Variants in RBFOX3 observed in about 807,000 individuals in gnomAD.
RBFOX3 encodes RNA binding fox-1 homolog 3.
Under a neutral mutation model 48.7 loss-of-function variants are expected in RBFOX3, and 17 were observed. That is an observed-to-expected ratio of 0.35 (90% confidence interval 0.24 to 0.52). RBFOX3 has a LOEUF of 0.52. RBFOX3 is among the 20% of genes least tolerant of loss of function. RBFOX3 has a pLI of 0.94. For missense variants in RBFOX3, 382 were observed against 497.5 expected, an observed-to-expected ratio of 0.77 and a Z score of 2.21; for synonymous variants, 212 against 209.5, an observed-to-expected ratio of 1.01 and a Z score of -0.10.
chr17:79,455,804 C>T (rs2074372066), intron 2 of RBFOX3, among the ~76,000 whole-genome samples: 1 of 152,208 alleles, frequency 6.6e-6, no homozygotes, highest in African/African-American at 2.4e-5. Context: ...ACACACAGCC[C>T]CATGCTCCAC....
intron 1 of RBFOX3, among the ~76,000 whole-genome samples, chr17:79,604,810 A>G (rs1316210792): frequency 6.6e-6 from 1 of 152,184 alleles, no homozygotes; most frequent in African/African-American, 2.4e-5. Flanking sequence ...CCATTTTTCC[A>G]TCAAAAATCT....
intron 1 of RBFOX3, among the ~76,000 whole-genome samples, chr17:79,483,039 T>A (rs2149496941): frequency 6.6e-6 from 1 of 151,976 alleles, no homozygotes; most frequent in African/African-American, 2.4e-5. Flanking sequence ...ACTTTGTCCC[T>A]CTCTTTTAAA....
chr17:79,512,296 A>G (rs1427281150), intron 1 of RBFOX3, among the ~76,000 whole-genome samples: 21 of 130,634 alleles, frequency 1.6e-4, no homozygotes, highest in East Asian at 4.8e-4. Flanking sequence ...CATCGGGTAC[A>G]GCCCCATGGC....
rs539254008 is a variant in RBFOX3, at chr17:79,195,957, C to T, written c.-34+39809G>A. 2.0e-5 allele frequency among the ~76,000 whole-genome samples: 3 copies of T among 152,286 alleles called. No individual in the cohort carries two copies. The highest frequency in any genetic ancestry group is 7.2e-5 in the African/African-American group (3 of 41,540). On this transcript the variant is annotated intron_variant, in intron 4 of 14. Coordinates refer to ENST00000693108, the MANE Select transcript of RBFOX3 (RefSeq NM_001350451.2). The surrounding 1 kb of genome is among the most constrained non-coding windows in gnomAD (Gnocchi z 5.3). ...AACTGGGCATGGCGATAATTATCAT[C>T]ATCAGAACACCCTGGACAAATTGGA...
chr17:79,323,148 T>C (rs2078795079), intron 2 of RBFOX3, among the ~76,000 whole-genome samples: 1 of 152,188 alleles, frequency 6.6e-6, no homozygotes, highest in Non-Finnish European at 1.5e-5. Flanking sequence ...AAAGGAAGAT[T>C]ATTGATATTC....
At chr17:79,543,485 C>T (rs981579441) in intron 1 of RBFOX3, among the ~76,000 whole-genome samples, 1 of 152,080 alleles carries the variant, frequency 6.6e-6, no homozygotes. Flanking sequence ...AGGTACTCAA[C>T]ACCCCTACGT....
the RBFOX3 span, among the ~76,000 whole-genome samples, chr17:79,664,878 G>T: frequency 6.6e-6 from 1 of 152,200 alleles, no homozygotes; most frequent in Non-Finnish European, 1.5e-5. Flanking sequence ...TTTGTGACTG[G>T]CTTATTTCAC....
chr17:79,194,622 A>T (rs983165183), intron 4 of RBFOX3, among the ~76,000 whole-genome samples: 11 of 152,220 alleles, frequency 7.2e-5, no homozygotes, highest in African/African-American at 2.6e-4. Flanking sequence ...AAGAAAAAAA[A>T]AAACTGCTTC....
rs199898962 is a variant in RBFOX3, at chr17:79,477,105, C to T, written c.-175+5349G>A. On this transcript the variant is annotated intron_variant, in intron 2 of 14. Coordinates refer to ENST00000693108, the MANE Select transcript of RBFOX3 (RefSeq NM_001350451.2). This position sits in a 1 kb window ranked among gnomAD's most constrained non-coding sequence, Gnocchi z 4.8. ...AAAATTAGCCAGGCGTGGTGGTGGG[C>T]GCCTGTAATCCCAGTTACTCGGGAA... 9.1e-4 allele frequency among the ~76,000 whole-genome samples: 137 copies of T among 150,618 alleles called. 2 individuals carry two copies. In the East Asian group the frequency reaches 0.021, roughly 23 times the overall value.
chr17:79,370,831 C>T (rs1286268535), intron 2 of RBFOX3, among the ~76,000 whole-genome samples: 2 of 152,244 alleles, frequency 1.3e-5, no homozygotes, highest in South Asian at 2.1e-4. Context: ...AGCTCACTCA[C>T]ATATGCACAC....
intron 6 of RBFOX3, among the ~76,000 whole-genome samples, chr17:79,106,377 A>G (rs560044261): frequency 6.6e-6 from 1 of 152,030 alleles, no homozygotes; most frequent in East Asian, 1.9e-4. Context: ...TCTGGCTGGG[A>G]GCAGGAGGGG....
chr17:79,554,489 A>C, intron 1 of RBFOX3, among the ~76,000 whole-genome samples: 9 of 151,668 alleles, frequency 5.9e-5, no homozygotes, highest in East Asian at 1.9e-4. Flanking sequence ...ATCTTCACTC[A>C]CAGTCACCCC....
At chr17:79,170,196 G>A (rs1338303909) in intron 4 of RBFOX3, among the ~76,000 whole-genome samples, 7 of 132,184 alleles carry the variant, frequency 5.3e-5, no homozygotes, top group East Asian at 4.1e-4. Flanking sequence ...GGCAGGGTCC[G>A]GAAGAGGCTG....
intron 4 of RBFOX3, among the ~76,000 whole-genome samples, chr17:79,177,792 G>A (rs2145962118): frequency 6.6e-6 from 1 of 152,330 alleles, no homozygotes; most frequent in East Asian, 1.9e-4. Context: ...TCAGGATGAG[G>A]TTTTGCAGCC....
the RBFOX3 span, among the ~76,000 whole-genome samples, chr17:79,633,911 T>C: frequency 6.6e-6 from 1 of 152,236 alleles, no homozygotes; most frequent in South Asian, 2.1e-4. Flanking sequence ...CTTTGCTTCC[T>C]GTTCAAACAG....
At chr17:79,597,604 G>C (rs2093600546) in intron 1 of RBFOX3, among the ~76,000 whole-genome samples, 4 of 152,206 alleles carry the variant, frequency 2.6e-5, no homozygotes. Flanking sequence ...AGAAGGGCCA[G>C]GGAAGGCCCT....
intron 2 of RBFOX3, among the ~76,000 whole-genome samples, chr17:79,388,738 C>T (rs1327925453): frequency 6.6e-6 from 1 of 151,638 alleles, no homozygotes. Context: ...CCTCAGCAGC[C>T]GCCTCCAGCC....
intron 2 of RBFOX3, among the ~76,000 whole-genome samples, chr17:79,308,578 G>T (rs1477966209): frequency 6.6e-6 from 1 of 152,176 alleles, no homozygotes; most frequent in Non-Finnish European, 1.5e-5. Flanking sequence ...GACTGAGTCT[G>T]CCATGGTCCG....
intron 1 of RBFOX3, among the ~76,000 whole-genome samples, chr17:79,563,350 G>A (rs2092327271): frequency 6.6e-6 from 1 of 152,232 alleles, no homozygotes. Context: ...TGGTGAGGCA[G>A]GAAATGAAAC....
Sources: allele counts gnomAD v4.1 joint callset (sites outside exome capture counted in the v4.1 genomes callset), GRCh38; gene constraint gnomAD v4.1.1; non-coding constraint Gnocchi (gnomAD v3.1); transcripts MANE v1.5; gene names NCBI Gene and HGNC (gene_info 2026-07-23, HGNC 2026-07-21).